CNTNAP5: variants seen among roughly 807,000 people sequenced by gnomAD.
CNTNAP5 encodes contactin-associated protein-like 5.
In CNTNAP5, 72 loss-of-function variants were observed where a neutral mutation model predicts 150.2. That is an observed-to-expected ratio of 0.48 (90% CI 0.40 to 0.58). The LOEUF (loss-of-function observed/expected upper bound fraction) is 0.58, where lower values mean the gene tolerates loss of function less well. Among genes scored for constraint, CNTNAP5 ranks in the 20% least tolerant of loss-of-function variants. CNTNAP5 has a pLI of 0.00. For missense variants in CNTNAP5, 1,636 were observed against 1,626.2 expected (o/e 1.01, Z -0.10); for synonymous variants, 672 against 619.8 (o/e 1.08, Z -1.25).
intron 3 of CNTNAP5, among the ~76,000 whole-genome samples, chr2:124,281,806 G>T (rs551170864): frequency 4.6e-5 from 7 of 152,244 alleles, no homozygotes; most frequent in African/African-American, 1.7e-4. Context: ...GCCAGAAAGC[G>T]AGAGGCATCT....
rs1324119068 is a variant in CNTNAP5 at position 124,242,094 on chromosome 2, G to C, written c.188-106G>C. On this transcript the variant is annotated intron_variant, in intron 2 of 23. Transcript: ENST00000682447. Reference sequence around the variant, plus strand: ...GAAGAGTAGGGCCCATTTGGGGGTAGAGTCATCTTAGTTGAACACTGTTTC... The same window carrying C: ...GAAGAGTAGGGCCCATTTGGGGGTACAGTCATCTTAGTTGAACACTGTTTC... The C allele has an allele frequency of 1.1e-4, 93 of 873,986 alleles. No homozygotes were observed. In the Admixed American group the frequency reaches 2.2e-3, roughly 20 times the overall value. 54.1% of individuals were successfully genotyped at this position (873,986 alleles called of 1,614,324 possible). A position where few individuals can be genotyped will look rare whatever the true frequency, so the allele number is the denominator to read the frequency against.
intron 11 of CNTNAP5, among the ~76,000 whole-genome samples, chr2:124,599,217 G>T (rs1392655415): frequency 6.6e-6 from 1 of 152,162 alleles, no homozygotes; most frequent in Non-Finnish European, 1.5e-5. Flanking sequence ...ATCGTGGTCT[G>T]CAGTATGAGG....
At chr2:124,677,875 G>A (rs149776505) in intron 13 of CNTNAP5, among the ~76,000 whole-genome samples, 51 of 151,974 alleles carry the variant, frequency 3.4e-4, no homozygotes, top group African/African-American at 1.2e-3. Context: ...TAATTCAGCC[G>A]AGAGACCAAT....
intron 21 of CNTNAP5, among the ~76,000 whole-genome samples, chr2:124,891,316 T>C (rs1368676553): frequency 6.6e-6 from 1 of 152,046 alleles, no homozygotes; most frequent in Admixed American, 6.6e-5. Flanking sequence ...GTCTCTCTAG[T>C]AGGCAGAAAG....
intron 3 of CNTNAP5, among the ~76,000 whole-genome samples, chr2:124,338,793 T>C (rs1258455992): frequency 6.6e-6 from 1 of 152,108 alleles, no homozygotes; most frequent in Non-Finnish European, 1.5e-5. Flanking sequence ...GTTCCCTTTA[T>C]TTCAAAGTGC....
At chr2:124,621,944 A>G (rs937777644) in intron 12 of CNTNAP5, among the ~76,000 whole-genome samples, 8 of 151,408 alleles carry the variant, frequency 5.3e-5, no homozygotes, top group African/African-American at 1.9e-4. Flanking sequence ...AAAACACTCT[A>G]CTTTCTTTTT....
At chr2:124,800,361 T>C (rs546591379) in intron 19 of CNTNAP5, among the ~76,000 whole-genome samples, 1 of 150,588 alleles carries the variant, frequency 6.6e-6, no homozygotes, top group South Asian at 2.1e-4. Flanking sequence ...TTGTATCAAA[T>C]TGCACACACA....
chr2:124,458,523 G>A (rs1016024925), intron 6 of CNTNAP5, among the ~76,000 whole-genome samples: 3 of 151,646 alleles, frequency 2.0e-5, no homozygotes, highest in Non-Finnish European at 2.9e-5. Context: ...CAAGGGGAAA[G>A]CGTGGGAAGG....
At chr2:124,842,931 G>T (rs1299656971) in intron 19 of CNTNAP5, among the ~76,000 whole-genome samples, 2 of 151,700 alleles carry the variant, frequency 1.3e-5, no homozygotes, top group Non-Finnish European at 2.9e-5. Context: ...AGTAGGTTTT[G>T]GGGGAACAGG....
intron 19 of CNTNAP5, among the ~76,000 whole-genome samples, chr2:124,853,014 A>G (rs896283929): frequency 3.3e-5 from 5 of 152,240 alleles, no homozygotes; most frequent in African/African-American, 1.2e-4. Flanking sequence ...ATGCATAGGA[A>G]GCTGTCTAAG....
chr2:124,488,602 G>A (rs911647842), intron 7 of CNTNAP5, among the ~76,000 whole-genome samples: 3 of 152,158 alleles, frequency 2.0e-5, no homozygotes, highest in Admixed American at 6.6e-5. Flanking sequence ...AATGGTGATC[G>A]ATAAATGTTG....
chr2:124,141,628 T>A (rs1684112509), intron 1 of CNTNAP5, among the ~76,000 whole-genome samples: 1 of 10,084 alleles, frequency 9.9e-5, no homozygotes. Context: ...CTAAAAGAGC[T>A]CCTGAAGGAA....
intron 6 of CNTNAP5, among the ~76,000 whole-genome samples, chr2:124,467,077 C>T (rs910368262): frequency 3.3e-5 from 5 of 152,166 alleles, no homozygotes; most frequent in African/African-American, 1.2e-4. Flanking sequence ...GTAAAATAAT[C>T]ATTATAGTCT....
intron 3 of CNTNAP5, among the ~76,000 whole-genome samples, chr2:124,270,971 G>A (rs1558828544): frequency 6.6e-6 from 1 of 152,076 alleles, no homozygotes; most frequent in Non-Finnish European, 1.5e-5. Flanking sequence ...GCTGGACTGT[G>A]GCAAGGAATA....
intron 13 of CNTNAP5, among the ~76,000 whole-genome samples, chr2:124,649,699 G>A (rs1678279183): frequency 6.6e-6 from 1 of 152,122 alleles, no homozygotes; most frequent in African/African-American, 2.4e-5. Context: ...CTTTGTGCAA[G>A]TTGCTCAATT....
At chr2:124,106,760 T>C (rs1397121488) in intron 1 of CNTNAP5, among the ~76,000 whole-genome samples, 1 of 152,174 alleles carries the variant, frequency 6.6e-6, no homozygotes, top group Non-Finnish European at 1.5e-5. Context: ...CCCCCATATA[T>C]ATAGCTGGTC....
rs904790213 is a variant in CNTNAP5 at position 124,864,204 on chromosome 2, T to C, written c.3218-1102T>C. On this transcript the variant is annotated intron_variant, in intron 19 of 23. Coordinates refer to ENST00000682447, the MANE Select transcript of CNTNAP5 (RefSeq NM_001367498.1). ...GCAATTTTTAAATATAGAATGTCTT[T>C]CAAACATTTTTTTAAATTTTATTTT... 1.1e-3 allele frequency among the ~76,000 whole-genome samples: 164 copies of C among 152,312 alleles called. 1 individual carries two copies. The highest frequency in any genetic ancestry group is 3.7e-3 in the African/African-American group (155 of 41,572).
chr2:124,671,711 C>T (rs1401781062), intron 13 of CNTNAP5, among the ~76,000 whole-genome samples: 1 of 152,142 alleles, frequency 6.6e-6, no homozygotes, highest in Non-Finnish European at 1.5e-5. Context: ...GCAATCTTGG[C>T]TCACTGCAAC....
chr2:124,552,384 C>T (rs1016567185), intron 10 of CNTNAP5, among the ~76,000 whole-genome samples: 6 of 152,184 alleles, frequency 3.9e-5, no homozygotes, highest in African/African-American at 7.2e-5. Flanking sequence ...CCTGGCATCT[C>T]ATGGGGCCCT....
Sources: gnomAD v4.1 joint callset for allele counts (sites outside exome capture counted in the v4.1 genomes callset) on GRCh38, gnomAD v4.1.1 for gene constraint, MANE v1.5 for transcripts, NCBI Gene and HGNC (gene_info 2026-07-23, HGNC 2026-07-21) for gene names.